The following CHRNA3 variants were observed in gnomAD, a reference collection of about 807,000 sequenced individuals.
CHRNA3 encodes neuronal acetylcholine receptor subunit alpha-3.
In CHRNA3, 34 loss-of-function variants were observed where a neutral mutation model predicts 41.9. The ratio of observed to expected loss-of-function variants is 0.81; its 90% CI spans 0.62 to 1.08. The LOEUF (loss-of-function observed/expected upper bound fraction) is 1.08, where lower values mean the gene tolerates loss of function less well. Among genes scored for constraint, CHRNA3 ranks in the 50% least tolerant of loss-of-function variants. CHRNA3 has a pLI of 0.00. For missense variants in CHRNA3, 542 were observed against 638.3 expected, an observed-to-expected ratio of 0.85 and a Z score of 1.63; for synonymous variants, 281 against 265.2, an observed-to-expected ratio of 1.06 and a Z score of -0.58.
At chr15:78,620,691 G>A in intron 1 of CHRNA3, 22 bp downstream of exon 1, 2 of 1,504,064 alleles carry the variant, frequency 1.3e-6, no homozygotes, top group East Asian at 5.5e-5. Context: ...TCCCTCCGGA[G>A]CCCTAACGCC....
chr15:78,618,513 A>T, intron 3 of CHRNA3, 104 bp downstream of exon 3: 1 of 1,374,346 alleles, frequency 7.3e-7, no homozygotes, highest in Non-Finnish European at 1.0e-6. Context: ...TCTGGGTTCC[A>T]CAGAAGTAAA....
intron 4 of CHRNA3, among the ~76,000 whole-genome samples, chr15:78,610,075 A>G (rs1039925113): frequency 1.1e-4 from 16 of 152,226 alleles, no homozygotes; most frequent in Non-Finnish European, 2.4e-4. Context: ...AGATTCATAA[A>G]GCAAGTCCTT....
chr15:78,598,999 G>A (rs1010692239), intron 5 of CHRNA3, among the ~76,000 whole-genome samples: 5 of 150,338 alleles, frequency 3.3e-5, no homozygotes, highest in African/African-American at 9.8e-5. Flanking sequence ...ACCACCCCCC[G>A]GTTAATTTAT....
intron 5 of CHRNA3, among the ~76,000 whole-genome samples, chr15:78,600,787 T>TG (rs34892956): frequency 0.036 from 5,437 of 152,016 alleles, 330 homozygotes; most frequent in African/African-American, 0.12. Context: ...GAGAATCGCT[T>TG]GAGCTGGGAG....
intron 4 of CHRNA3, among the ~76,000 whole-genome samples, chr15:78,603,916 C>T (rs1443170220): frequency 6.6e-6 from 1 of 152,054 alleles, no homozygotes; most frequent in Non-Finnish European, 1.5e-5. Context: ...TGGAGGTGAA[C>T]ATCCACACAG....
chr15:78,604,226 G>A (rs1421594802), intron 4 of CHRNA3, among the ~76,000 whole-genome samples: 2 of 152,202 alleles, frequency 1.3e-5, no homozygotes, highest in African/African-American at 4.8e-5. Flanking sequence ...GAATAGCTGT[G>A]ACCGTCACTG....
At chr15:78,598,985 C>T (rs2053155007) in intron 5 of CHRNA3, among the ~76,000 whole-genome samples, 1 of 151,570 alleles carries the variant, frequency 6.6e-6, no homozygotes, top group South Asian at 2.1e-4. Context: ...AGGCTCATGC[C>T]ACCACCACCC....
intron 3 of CHRNA3, among the ~76,000 whole-genome samples, chr15:78,617,456 A>G (rs1354695371): frequency 6.6e-6 from 1 of 152,124 alleles, no homozygotes; most frequent in Non-Finnish European, 1.5e-5. Flanking sequence ...CCTGGACTTC[A>G]TGCATCATGT....
intron 4 of CHRNA3, among the ~76,000 whole-genome samples, chr15:78,614,581 T>C (rs995219682): frequency 1.3e-5 from 2 of 152,198 alleles, no homozygotes; most frequent in African/African-American, 2.4e-5. Flanking sequence ...TGACACTAAC[T>C]GTAAAATCAA....
chr15:78,610,092 C>A (rs899787456), intron 4 of CHRNA3, among the ~76,000 whole-genome samples: 3 of 152,144 alleles, frequency 2.0e-5, no homozygotes, highest in Non-Finnish European at 2.9e-5. Flanking sequence ...CCTTAGAGAC[C>A]TACAAAGAGA....
In CHRNA3 at chr15:78,595,652, A is replaced by G. The variant is rs472054; in HGVS notation, c.*952T>C. The G allele has an allele frequency of 0.68, 103,579 of 152,708 alleles. 35,427 individuals carry two copies. The highest frequency in any genetic ancestry group is 0.82 in the East Asian group (4,244 of 5,186). 9.5% of individuals were successfully genotyped at this position (152,708 alleles called of 1,614,324 possible). A position where few individuals can be genotyped will look rare whatever the true frequency, so the allele number is the denominator to read the frequency against. On this transcript the variant is annotated 3_prime_UTR_variant, in exon 6 of 6. Transcript: ENST00000326828. ...CATATTTATCCAGCCCAAAATGTCC[A>G]TAGTGCTAAGGCTGAGAAACCCTGT...
intron 4 of CHRNA3, among the ~76,000 whole-genome samples, chr15:78,612,413 C>T (rs2053393339): frequency 7.2e-6 from 1 of 139,282 alleles, no homozygotes; most frequent in Admixed American, 7.0e-5. Context: ...AATAACGCCA[C>T]ATATCTACAA....
At chr15:78,598,959 G>C (rs9806525) in intron 5 of CHRNA3, among the ~76,000 whole-genome samples, 1,681 of 150,650 alleles carry the variant, frequency 0.011, 29 homozygotes, top group African/African-American at 0.038. Flanking sequence ...TCAGACTCCC[G>C]AGTAGCTAAG....
downstream of CHRNA3, chr15:78,593,182 C>G: frequency 1.2e-6 from 2 of 1,613,654 alleles, no homozygotes; most frequent in Non-Finnish European, 1.7e-6. Context: ...ATCTCTTGGG[C>G]TTTTTGTTCC....
intron 4 of CHRNA3, chr15:78,607,448 C>G (rs188444071): frequency 2.7e-5 from 4 of 146,986 alleles, no homozygotes; most frequent in African/African-American, 1.1e-4. Flanking sequence ...CACCTGTAAT[C>G]CCAGCACTTT....
Position 78,620,262 on chromosome 15 carries a change from C to T in CHRNA3, c.82+451G>A, listed in dbSNP as rs148030538. ...CCAGTCCCGAAGCGACTCCCCTCTTCCCGAGGTGGCCTTGGCCAAGTCTTC... is the reference window on the plus strand; with the variant it reads ...CCAGTCCCGAAGCGACTCCCCTCTTTCCGAGGTGGCCTTGGCCAAGTCTTC... On this transcript the variant is annotated intron_variant, in intron 1 of 5. Transcript: ENST00000326828. 3.8e-3 allele frequency: 633 copies of T among 165,882 alleles called. 11 individuals carry two copies. Among genetic ancestry groups the T allele is most frequent in the African/African-American group, 0.014 (592 of 41,766 alleles). 10.3% of individuals were successfully genotyped at this position (165,882 alleles called of 1,614,324 possible).
chr15:78,602,298 G>C (rs367970536), intron 4 of CHRNA3, 34 bp from the exon 5 acceptor site: 1 of 1,594,146 alleles, frequency 6.3e-7, no homozygotes, highest in South Asian at 1.1e-5. Context: ...AGTGACACAC[G>C]GTCATTAACA....
chr15:78,618,125 TG>T (rs1428606034), intron 3 of CHRNA3, among the ~76,000 whole-genome samples: 15 of 152,162 alleles, frequency 9.9e-5, no homozygotes, highest in African/African-American at 3.4e-4. Context: ...TGCACAGCTG[TG>T]GTCCCAGCTA....
chr15:78,596,752 AAG>A lies in CHRNA3; in HGVS notation c.1390-22_1390-21del, dbSNP rs1491169802. Reference sequence around the variant, plus strand: ...TTGAATCTGCAAAACAAAATGATAAAAGAAAAAAAACATGGAGGGAAAGGCAA... The same window carrying A: ...TTGAATCTGCAAAACAAAATGATAAAAAAAAAAACATGGAGGGAAAGGCAA... On this transcript the variant is annotated intron_variant, in intron 5 of 5. Coordinates refer to ENST00000326828, the MANE Select transcript of CHRNA3 (RefSeq NM_000743.5). 3 of 1,589,610 alleles carry A rather than the reference AAG, an allele frequency of 1.9e-6. No homozygotes were observed. The highest frequency in any genetic ancestry group is 2.6e-6 in the Non-Finnish European group (3 of 1,173,806).
Sources: allele counts gnomAD v4.1 joint callset (sites outside exome capture counted in the v4.1 genomes callset), GRCh38; gene constraint gnomAD v4.1.1; transcripts MANE v1.5; gene names NCBI Gene and HGNC (gene_info 2026-07-23, HGNC 2026-07-21).